Variants in KCNU1 observed in about 807,000 individuals in gnomAD.
KCNU1 encodes potassium channel subfamily U member 1.
KCNU1 carries 93 observed loss-of-function variants against 126.8 expected under a neutral mutation model. That is an observed-to-expected ratio of 0.73 (90% CI 0.62 to 0.87). The LOEUF (loss-of-function observed/expected upper bound fraction) is 0.87, where lower values mean the gene tolerates loss of function less well. KCNU1 is among the 40% of genes least tolerant of loss of function. The probability of loss-of-function intolerance (pLI) is 0.00; values close to 1 mark genes in which losing one functional copy is unlikely to be tolerated. For synonymous variants in KCNU1, 523 were observed against 494.2 expected (o/e 1.06, Z -0.77); for missense variants, 1,330 against 1,367.1 (o/e 0.97, Z 0.43).
chr8:36,875,188 C>T (rs1400880862), intron 19 of KCNU1, among the ~76,000 whole-genome samples: 2 of 151,780 alleles, frequency 1.3e-5, no homozygotes, highest in Non-Finnish European at 2.9e-5. Context: ...TATTTTAATG[C>T]ATTTTATTAG....
chr8:36,864,368 A>G, intron 18 of KCNU1, 36 bp from the exon 19 acceptor site: 1 of 1,214,330 alleles, frequency 8.2e-7, no homozygotes, highest in Non-Finnish European at 1.2e-6. Context: ...TTGTGAAGAG[A>G]TGTGCCAACT....
chr8:36,834,742 C>T, intron 11 of KCNU1, 44 bp from the exon 12 acceptor site: 1 of 1,267,474 alleles, frequency 7.9e-7, no homozygotes, highest in East Asian at 2.4e-5. Context: ...AGAGCATTTC[C>T]CATGTAATTA....
chr8:36,882,121 CA>C (rs1485719101), intron 19 of KCNU1, among the ~76,000 whole-genome samples: 7 of 152,268 alleles, frequency 4.6e-5, no homozygotes, highest in African/African-American at 1.7e-4. Context: ...TCCCTTGTCT[CA>C]ATCATTTCTT....
intron 18 of KCNU1, among the ~76,000 whole-genome samples, chr8:36,860,227 G>A (rs932211113): frequency 1.3e-5 from 2 of 151,984 alleles, no homozygotes; most frequent in Non-Finnish European, 2.9e-5. Flanking sequence ...ACAGGTACCC[G>A]CCACCATGCC....
chr8:36,905,446 C>T (rs1056631951), intron 19 of KCNU1, among the ~76,000 whole-genome samples: 1 of 128,820 alleles, frequency 7.8e-6, no homozygotes, highest in Non-Finnish European at 1.6e-5. Context: ...CTTCAAGGTA[C>T]ATATAATCTA....
intron 3 of KCNU1, 50 bp from the exon 4 acceptor site, chr8:36,805,145 A>C (rs1803450390): frequency 7.4e-7 from 1 of 1,358,066 alleles, no homozygotes. Flanking sequence ...TTATATAGAC[A>C]CCACTTTAAA....
chr8:36,873,651 A>G (rs1374938150), intron 19 of KCNU1, among the ~76,000 whole-genome samples: 1 of 152,142 alleles, frequency 6.6e-6, no homozygotes, highest in Non-Finnish European at 1.5e-5. Flanking sequence ...TCTGTTCCAC[A>G]GCTGGCTGAG....
intron 19 of KCNU1, among the ~76,000 whole-genome samples, chr8:36,900,031 G>C (rs1237796393): frequency 6.6e-6 from 1 of 152,100 alleles, no homozygotes; most frequent in African/African-American, 2.4e-5. Context: ...AAGGGGGCTT[G>C]GTGCTTTGGA....
intron 18 of KCNU1, among the ~76,000 whole-genome samples, chr8:36,863,856 A>G (rs1349369302): frequency 6.6e-6 from 1 of 152,190 alleles, no homozygotes; most frequent in East Asian, 1.9e-4. Flanking sequence ...ACTGAAGGAG[A>G]GAAAATGATT....
intron 2 of KCNU1, among the ~76,000 whole-genome samples, chr8:36,796,390 T>A (rs1289436588): frequency 6.6e-6 from 1 of 152,228 alleles, no homozygotes; most frequent in Non-Finnish European, 1.5e-5. Context: ...CAATACTAAT[T>A]ATGTTATATG....
chr8:36,889,838 A>T (rs1254498234), intron 19 of KCNU1, among the ~76,000 whole-genome samples: 1 of 151,796 alleles, frequency 6.6e-6, no homozygotes, highest in East Asian at 1.9e-4. Context: ...AACTGCTAAG[A>T]AAAAAAAGAG....
chr8:36,918,175 T>C (rs1172095482), intron 22 of KCNU1, among the ~76,000 whole-genome samples: 1 of 152,186 alleles, frequency 6.6e-6, no homozygotes, highest in Non-Finnish European at 1.5e-5. Flanking sequence ...AAGCATATCT[T>C]AATTGTGACA....
chr8:36,841,756 C>T (rs372471656), intron 16 of KCNU1, among the ~76,000 whole-genome samples: 60 of 152,004 alleles, frequency 3.9e-4, no homozygotes, highest in Middle Eastern at 6.8e-3. Flanking sequence ...TCTGACCAGC[C>T]GACCGGACAA....
In KCNU1 at chr8:36,855,629, G is replaced by A. The variant is rs192535759; in HGVS notation, c.1892-8775G>A. Among the ~76,000 whole-genome samples the A allele has an allele frequency of 1.4e-3, 212 of 151,820 alleles. 1 individual carries two copies. Among genetic ancestry groups the A allele is most frequent in the African/African-American group, 4.9e-3 (202 of 41,402 alleles). The stretch of plus-strand genomic sequence containing the variant: ...TTACTGCTATCTATTTATTTCTCTC[G>A]ACTAAATGTTTTCAAGGCTCCTGTT... On this transcript the variant is annotated intron_variant, in intron 18 of 26. Transcript: ENST00000399881.
Position 36,922,478 on chromosome 8 carries a change from C to G in KCNU1, c.2597-12C>G. 1 of 1,606,096 alleles carries G rather than the reference C, an allele frequency of 6.2e-7. No individual in the cohort carries two copies. The highest frequency in any genetic ancestry group is 1.7e-5 in the Admixed American group (1 of 58,222). Reference sequence around the variant, plus strand: ...ATCTGCTTGTCTTTCCTTTTTGCCTCTTGCCTTGCAGAAAATCCTTCCAAC... The same window carrying G: ...ATCTGCTTGTCTTTCCTTTTTGCCTGTTGCCTTGCAGAAAATCCTTCCAAC... On this transcript the variant is annotated splice_polypyrimidine_tract_variant and intron_variant, in intron 23 of 26. Coordinates refer to ENST00000399881, the MANE Select transcript of KCNU1 (RefSeq NM_001031836.3).
At chr8:36,815,391 G>A (rs1803870662) in intron 8 of KCNU1, among the ~76,000 whole-genome samples, 1 of 152,146 alleles carries the variant, frequency 6.6e-6, no homozygotes, top group African/African-American at 2.4e-5. Flanking sequence ...TCATCATTTT[G>A]AATACAGAAA....
intron 18 of KCNU1, among the ~76,000 whole-genome samples, chr8:36,859,581 T>C (rs1257296575): frequency 6.6e-6 from 1 of 152,220 alleles, no homozygotes; most frequent in Non-Finnish European, 1.5e-5. Flanking sequence ...TCAGTGTCTA[T>C]GGCCCTTTTC....
At chr8:36,906,758 T>C (rs1283623701) in intron 20 of KCNU1, among the ~76,000 whole-genome samples, 1 of 152,178 alleles carries the variant, frequency 6.6e-6, no homozygotes, top group Non-Finnish European at 1.5e-5. Flanking sequence ...TGTAAAAGCA[T>C]GATCCATCAT....
chr8:36,814,405 A>T, intron 8 of KCNU1, 28 bp downstream of exon 8: 1 of 1,461,866 alleles, frequency 6.8e-7, no homozygotes, highest in South Asian at 1.2e-5. Flanking sequence ...TATATTTTGA[A>T]TATAGCTACA....
Sources: allele counts gnomAD v4.1 joint callset (sites outside exome capture counted in the v4.1 genomes callset), GRCh38; gene constraint gnomAD v4.1.1; transcripts MANE v1.5; gene names NCBI Gene and HGNC (gene_info 2026-07-23, HGNC 2026-07-21).